HEPHL1: variants seen among roughly 807,000 people sequenced by gnomAD.
The protein encoded by HEPHL1 is hephaestin like 1.
HEPHL1 carries 123 observed loss-of-function variants against 122.0 expected under a neutral mutation model. That is an observed-to-expected ratio of 1.01 (90% CI 0.87 to 1.17). HEPHL1 has a LOEUF of 1.17. Among genes scored for constraint, HEPHL1 ranks in the 50% most tolerant of loss-of-function variants. HEPHL1 has a pLI of 0.00. For synonymous variants in HEPHL1, 527 were observed against 508.9 expected (o/e 1.04, Z -0.48); for missense variants, 1,452 against 1,430.5 (o/e 1.01, Z -0.24).
At chr11:94,045,951 C>A in intron 2 of HEPHL1, 34 bp downstream of exon 2, 1 of 1,597,166 alleles carries the variant, frequency 6.3e-7, no homozygotes, top group South Asian at 1.1e-5. Context: ...GGGGTCTTGT[C>A]TCTATTTCAT....
At chr11:94,026,461 C>G (rs1591458351) in intron 1 of HEPHL1, among the ~76,000 whole-genome samples, 1 of 152,210 alleles carries the variant, frequency 6.6e-6, no homozygotes, top group Non-Finnish European at 1.5e-5. Flanking sequence ...GCTCCCCTCC[C>G]CTACCTCAGT....
chr11:94,084,692 AATTT>A (rs1404540656), intron 10 of HEPHL1, among the ~76,000 whole-genome samples: 2 of 152,214 alleles, frequency 1.3e-5, no homozygotes, highest in Non-Finnish European at 2.9e-5. Context: ...CCAAGGACTG[AATTT>A]ATTAGCACCT....
chr11:94,096,465 A>G (rs1024614705), intron 13 of HEPHL1, among the ~76,000 whole-genome samples: 6 of 152,166 alleles, frequency 3.9e-5, no homozygotes, highest in South Asian at 4.1e-4. Flanking sequence ...CATTAGGGAT[A>G]TTGGTCTAAA....
At chr11:94,084,427 T>A (rs762441309) in intron 10 of HEPHL1, among the ~76,000 whole-genome samples, 5 of 151,948 alleles carry the variant, frequency 3.3e-5, no homozygotes, top group Non-Finnish European at 5.9e-5. Flanking sequence ...AGGCAAATAA[T>A]GCATCTTAAT....
Position 94,102,897 on chromosome 11 carries a change from C to T in HEPHL1, c.2576-17C>T. ...ACAGATAATTCTAATAAATTTTTTC[C>T]ATTTCATTTATTACAGGAGAAGTAA... On this transcript the variant is annotated splice_polypyrimidine_tract_variant and intron_variant, in intron 14 of 19. Transcript: ENST00000315765. The T allele has an allele frequency of 1.6e-6, 2 of 1,263,280 alleles. No individual in the cohort carries two copies. The highest frequency in any genetic ancestry group is 1.2e-5 in the South Asian group (1 of 80,596). The allele number at this position is 1,263,280 out of a possible 1,614,324, so 78.3% of individuals were successfully genotyped here.
chr11:94,108,763 C>G (rs1946427115), intron 17 of HEPHL1, among the ~76,000 whole-genome samples: 1 of 151,984 alleles, frequency 6.6e-6, no homozygotes, highest in Non-Finnish European at 1.5e-5. Flanking sequence ...TTATACTCTG[C>G]CCTTTCTTGA....
At chr11:94,044,165 GAGA>G (rs1945812743) in intron 1 of HEPHL1, among the ~76,000 whole-genome samples, 1 of 151,994 alleles carries the variant, frequency 6.6e-6, no homozygotes, top group Non-Finnish European at 1.5e-5. Context: ...ACCTCTCCAG[GAGA>G]AGATTGTCAG....
chr11:94,088,254 A>C (rs1039344197), intron 11 of HEPHL1, among the ~76,000 whole-genome samples: 1 of 152,244 alleles, frequency 6.6e-6, no homozygotes, highest in African/African-American at 2.4e-5. Flanking sequence ...GGGCTTAATG[A>C]AGTAATACAT....
Position 94,101,434 on chromosome 11 carries a change from A to G in HEPHL1, c.2575+99A>G, listed in dbSNP as rs927563476. ...TCTTAAAGAGCTCATCTTAATGTCA[A>G]TGTGTTTCAGCCATCATCTAGTCAC... On this transcript the variant is annotated intron_variant, in intron 14 of 19. Coordinates refer to ENST00000315765, the MANE Select transcript of HEPHL1 (RefSeq NM_001098672.2). 24 of 1,205,496 alleles carry G rather than the reference A, an allele frequency of 2.0e-5. No homozygotes were observed. Among genetic ancestry groups the G allele is most frequent in the African/African-American group, 4.6e-5 (3 of 65,610 alleles). The allele number at this position is 1,205,496 out of a possible 1,614,324, so 74.7% of individuals were successfully genotyped here.
chr11:94,089,428 C>A (rs1029694424), intron 12 of HEPHL1, among the ~76,000 whole-genome samples: 8 of 152,188 alleles, frequency 5.3e-5, no homozygotes, highest in Non-Finnish European at 1.0e-4. Context: ...GACAGGAGGC[C>A]ATTGCCTTGT....
chr11:94,032,875 T>C (rs901992625), intron 1 of HEPHL1, among the ~76,000 whole-genome samples: 2 of 152,104 alleles, frequency 1.3e-5, no homozygotes, highest in African/African-American at 4.8e-5. Context: ...TTAACTGGTA[T>C]ATGACCTTCC....
intron 4 of HEPHL1, 75 bp from the exon 5 acceptor site, chr11:94,067,421 C>T (rs1946043019): frequency 1.4e-6 from 2 of 1,450,558 alleles, no homozygotes; most frequent in South Asian, 1.2e-5. Flanking sequence ...CATGCTTAAG[C>T]CCGTATTACC....
chr11:94,036,729 G>A (rs201077806), intron 1 of HEPHL1, among the ~76,000 whole-genome samples: 1 of 151,728 alleles, frequency 6.6e-6, no homozygotes, highest in South Asian at 2.1e-4. Context: ...GTCCCAGCTA[G>A]TCTGGAGGCT....
At chr11:94,050,806 C>T (rs1945883619) in intron 2 of HEPHL1, among the ~76,000 whole-genome samples, 4 of 152,132 alleles carry the variant, frequency 2.6e-5, no homozygotes. Context: ...ATCCCCACTT[C>T]CTCCCACCTT....
chr11:94,096,055 T>G (rs775968649), intron 13 of HEPHL1, among the ~76,000 whole-genome samples: 1 of 152,200 alleles, frequency 6.6e-6, no homozygotes, highest in East Asian at 1.9e-4. Context: ...TCCAACACTA[T>G]GTTGAACAGA....
intron 2 of HEPHL1, among the ~76,000 whole-genome samples, chr11:94,054,313 A>G (rs1945916879): frequency 6.6e-6 from 1 of 152,324 alleles, no homozygotes; most frequent in Non-Finnish European, 1.5e-5. Flanking sequence ...GAGGGTAGAA[A>G]GAAGTCTTCA....
At chr11:94,081,266 G>C (rs914891807) in intron 9 of HEPHL1, among the ~76,000 whole-genome samples, 2 of 152,132 alleles carry the variant, frequency 1.3e-5, no homozygotes, top group Non-Finnish European at 2.9e-5. Context: ...GACACAGGGA[G>C]GGGAACAACA....
intron 9 of HEPHL1, among the ~76,000 whole-genome samples, chr11:94,077,868 T>A (rs558753790): frequency 6.6e-6 from 1 of 152,208 alleles, no homozygotes; most frequent in Non-Finnish European, 1.5e-5. Flanking sequence ...TGGAATGTCA[T>A]CCCCTGACCT....
intron 2 of HEPHL1, among the ~76,000 whole-genome samples, chr11:94,059,444 A>T (rs1360789969): frequency 6.6e-6 from 1 of 152,098 alleles, no homozygotes; most frequent in African/African-American, 2.4e-5. Flanking sequence ...TGCAAATTTT[A>T]CTCTCTGCCA....
Sources: gnomAD v4.1 joint callset for allele counts (sites outside exome capture counted in the v4.1 genomes callset) on GRCh38, gnomAD v4.1.1 for gene constraint, MANE v1.5 for transcripts, NCBI Gene and HGNC (gene_info 2026-07-23, HGNC 2026-07-21) for gene names.